AMOTL1: variants seen among roughly 807,000 people sequenced by gnomAD.
The protein encoded by AMOTL1 is angiomotin like 1, also known as angiomotin-like protein 1.
In AMOTL1, 45 loss-of-function variants were observed where a neutral mutation model predicts 102.9. The ratio of observed to expected loss-of-function variants is 0.44; its 90% confidence interval spans 0.34 to 0.56. AMOTL1 has a LOEUF of 0.56. Ranked by LOEUF, AMOTL1 falls within the 20% of genes least tolerant of loss-of-function variation. The probability of loss-of-function intolerance (pLI) is 0.01; values close to 1 mark genes in which losing one functional copy is unlikely to be tolerated. For synonymous variants in AMOTL1, 481 were observed against 484.7 expected (o/e 0.99, Z 0.10); for missense variants, 1,114 against 1,225.6 (o/e 0.91, Z 1.36).
intron 3 of AMOTL1, among the ~76,000 whole-genome samples, chr11:94,810,036 A>G (rs1951644660): frequency 6.6e-6 from 1 of 152,104 alleles, no homozygotes; most frequent in Admixed American, 6.6e-5. Context: ...TAGACTTCCA[A>G]TTTCTTGATA....
At chr11:94,741,413 G>A (rs1184727156) in intron 3 of AMOTL1, among the ~76,000 whole-genome samples, 2 of 152,196 alleles carry the variant, frequency 1.3e-5, no homozygotes, top group African/African-American at 4.8e-5. Context: ...AGGACGTCGT[G>A]TGGGTCGTCC....
At chr11:94,850,322 T>C in intron 7 of AMOTL1, 63 bp downstream of exon 7, 1 of 1,496,438 alleles carries the variant, frequency 6.7e-7, no homozygotes, top group South Asian at 1.3e-5. Flanking sequence ...GGGCTTCCAC[T>C]TTCTTTTCCT....
intron 3 of AMOTL1, among the ~76,000 whole-genome samples, chr11:94,808,952 C>G (rs975648455): frequency 7.1e-6 from 1 of 140,170 alleles, no homozygotes; most frequent in Non-Finnish European, 1.6e-5. Flanking sequence ...TCTCTAAATT[C>G]TTTTCTTTCT....
rs1425504474 is a variant in AMOTL1, at chr11:94,876,375, G to A, written c.*5580G>A. On this transcript the variant is annotated 3_prime_UTR_variant, in exon 13 of 13. Transcript: ENST00000433060. ...CTGCCGCTGCCCTCCAACCTGCTCTGTGTGTGTGTGTCGCTGTGCTTGGTG... is the reference window on the plus strand; with the variant it reads ...CTGCCGCTGCCCTCCAACCTGCTCTATGTGTGTGTGTCGCTGTGCTTGGTG... 3 of 152,440 alleles carry A rather than the reference G, an allele frequency of 2.0e-5. No individual in the cohort carries two copies. In the East Asian group the frequency reaches 5.8e-4, roughly 29 times the overall value. 9.4% of individuals were successfully genotyped at this position (152,440 alleles called of 1,614,324 possible). A position where few individuals can be genotyped will look rare whatever the true frequency, so the allele number is the denominator to read the frequency against.
chr11:94,740,893 G>T (rs546277130), intron 2 of AMOTL1: 11 of 1,285,110 alleles, frequency 8.6e-6, no homozygotes, highest in Non-Finnish European at 1.1e-5. Flanking sequence ...GGTTCGTCCT[G>T]AATGGTAGCG....
chr11:94,836,771 T>C (rs1402045403), intron 6 of AMOTL1, among the ~76,000 whole-genome samples: 2 of 152,006 alleles, frequency 1.3e-5, no homozygotes, highest in Non-Finnish European at 2.9e-5. Context: ...TTTTTTTTTT[T>C]TTTTAGAATA....
At chr11:94,808,965 C>CTTTTTTTTTTTTTTTTTTT (rs199619372) in intron 3 of AMOTL1, among the ~76,000 whole-genome samples, 3 of 111,894 alleles carry the variant, frequency 2.7e-5, no homozygotes, top group African/African-American at 3.6e-5. Context: ...TTCTTTCTTT[C>CTTTTTTTTTTTTTTTTTTT]TTTTTTTTTT....
At chr11:94,772,326 T>G (rs779959782) in intron 1 of AMOTL1, among the ~76,000 whole-genome samples, 2 of 152,218 alleles carry the variant, frequency 1.3e-5, no homozygotes, top group Non-Finnish European at 2.9e-5. Flanking sequence ...ATTACCCCAA[T>G]GATCTCCCTT....
At chr11:94,761,486 GC>G (rs60629263) in intron 3 of AMOTL1, among the ~76,000 whole-genome samples, 21,795 of 151,922 alleles carry the variant, frequency 0.14, 3,294 homozygotes, top group African/African-American at 0.36. Context: ...ACTGCGCCTG[GC>G]CCAGGACTTT....
Position 94,869,534 on chromosome 11 carries a change from A to G in AMOTL1, c.2764+61A>G, listed in dbSNP as rs866687666. 8 of 1,495,042 alleles carry G rather than the reference A, an allele frequency of 5.4e-6. No individual in the cohort carries two copies. In the Middle Eastern group the frequency reaches 9.4e-4, roughly 176 times the overall value. The allele number at this position is 1,495,042 out of a possible 1,614,324, so 92.6% of individuals were successfully genotyped here. On this transcript the variant is annotated intron_variant, in intron 12 of 12. Transcript: ENST00000433060. ...CTGTGGAACTGTCTGGCCTAAGAGA[A>G]TCTTTTGTTGAGCTAGAGAGGAAGC...
chr11:94,770,668 A>G (rs986779467), intron 1 of AMOTL1, among the ~76,000 whole-genome samples: 1 of 152,232 alleles, frequency 6.6e-6, no homozygotes, highest in African/African-American at 2.4e-5. Context: ...TGGAGGATGT[A>G]GCATACTAAT....
Position 94,800,231 on chromosome 11 carries a change from G to A in AMOTL1, c.1041G>A (p.Lys347=), listed in dbSNP as rs535594057. The A allele has an allele frequency of 6.2e-7, 1 of 1,613,990 alleles. No individual in the cohort carries two copies. The highest frequency in any genetic ancestry group is 1.1e-5 in the South Asian group (1 of 91,084). Residue 347 remains lysine (K), a synonymous_variant, in exon 3 of 13, where the codon AAG becomes AAA. Transcript: ENST00000433060. ...QHPGMLHEMV[K]PYPAPQPVRT... ...CCGGGATGCTCCACGAGATGGTCAA[G>A]CCCTACCCTGCTCCTCAGCCTGTGA...
At chr11:94,765,188 T>C (rs150526002), upstream of AMOTL1, among the ~76,000 whole-genome samples, 1 of 152,304 alleles carries the variant, frequency 6.6e-6, no homozygotes, top group African/African-American at 2.4e-5. Context: ...AAATGACAAC[T>C]TGGGTCACTT....
At chr11:94,711,995 T>C (rs1421598933) in intron 1 of AMOTL1, among the ~76,000 whole-genome samples, 1 of 152,142 alleles carries the variant, frequency 6.6e-6, no homozygotes, top group Non-Finnish European at 1.5e-5. Flanking sequence ...GCTAAGTTTT[T>C]AGTTTAAAAG....
At chr11:94,838,105 A>G (rs1952220627) in intron 6 of AMOTL1, among the ~76,000 whole-genome samples, 1 of 152,146 alleles carries the variant, frequency 6.6e-6, no homozygotes, top group Non-Finnish European at 1.5e-5. Flanking sequence ...AGCACTGTGT[A>G]CTTTTTTCCA....
chr11:94,712,395 C>A (rs1477680194), intron 1 of AMOTL1, among the ~76,000 whole-genome samples: 3 of 151,940 alleles, frequency 2.0e-5, no homozygotes, highest in Non-Finnish European at 4.4e-5. Flanking sequence ...CTATAAAAAT[C>A]CTACAAGAAA....
chr11:94,763,981 C>A (rs964273430), upstream of AMOTL1, among the ~76,000 whole-genome samples: 1 of 152,164 alleles, frequency 6.6e-6, no homozygotes. Context: ...GTTGATGTGA[C>A]CATTTGATGT....
chr11:94,718,430 T>C (rs1394194828), intron 1 of AMOTL1, among the ~76,000 whole-genome samples: 2 of 152,058 alleles, frequency 1.3e-5, no homozygotes, highest in Non-Finnish European at 2.9e-5. Context: ...TAGAATAGAT[T>C]ACTTAGAAGT....
At chr11:94,784,166 C>T (rs902586041) in intron 1 of AMOTL1, among the ~76,000 whole-genome samples, 2 of 151,600 alleles carry the variant, frequency 1.3e-5, no homozygotes, top group African/African-American at 4.9e-5. Flanking sequence ...GCTTGTATTA[C>T]TGGGACTTTT....
Sources: allele counts gnomAD v4.1 joint callset (sites outside exome capture counted in the v4.1 genomes callset), GRCh38; gene constraint gnomAD v4.1.1; transcripts MANE v1.5; gene names NCBI Gene and HGNC (gene_info 2026-07-23, HGNC 2026-07-21).